The following PRRC2C variants were observed in gnomAD, a reference collection of about 807,000 sequenced individuals.
PRRC2C encodes protein PRRC2C.
PRRC2C carries 72 observed loss-of-function variants against 317.2 expected under a neutral mutation model. The ratio of observed to expected loss-of-function variants is 0.23; its 90% CI spans 0.19 to 0.28. PRRC2C has a LOEUF of 0.28. PRRC2C is among the 10% of genes least tolerant of loss of function. The probability of loss-of-function intolerance (pLI) is 1.00; values close to 1 mark genes in which losing one functional copy is unlikely to be tolerated. For synonymous variants in PRRC2C, 1,296 were observed against 1,205.9 expected (o/e 1.07, Z -1.55); for missense variants, 3,074 against 3,459.7 (o/e 0.89, Z 2.80).
At chr1:171,559,538 T>TGAGACAG (rs1682223763) in intron 19 of PRRC2C, among the ~76,000 whole-genome samples, 2 of 110,154 alleles carry the variant, frequency 1.8e-5, no homozygotes, top group Admixed American at 1.0e-4. Flanking sequence ...TTTTTTTTTT[T>TGAGACAG]TTGAGACAGT....
chr1:171,518,806 A>G (rs938056465), intron 6 of PRRC2C, among the ~76,000 whole-genome samples: 35 of 150,754 alleles, frequency 2.3e-4, no homozygotes, highest in African/African-American at 6.8e-4. Flanking sequence ...CTTGGCCTTT[A>G]AACTTTTTTT....
At chr1:171,507,873 A>G (rs998129433) in intron 1 of PRRC2C, among the ~76,000 whole-genome samples, 1 of 152,168 alleles carries the variant, frequency 6.6e-6, no homozygotes, top group Non-Finnish European at 1.5e-5. Context: ...TCCCTTGGTT[A>G]GATTACTCCT....
chr1:171,535,725 G>A, intron 13 of PRRC2C, 128 bp downstream of exon 13: 1 of 1,199,678 alleles, frequency 8.3e-7, no homozygotes, highest in Non-Finnish European at 1.2e-6. Context: ...ATTTTTCCTT[G>A]TAAATAAAAG....
intron 26 of PRRC2C, 133 bp downstream of exon 26, chr1:171,577,770 C>CAAA (rs1553245739): frequency 6.1e-6 from 2 of 329,828 alleles, no homozygotes; most frequent in Non-Finnish European, 9.9e-6. Flanking sequence ...TTTAAATTCG[C>CAAA]ATTTTTTTTT....
rs981261167 is a variant in PRRC2C at position 171,593,004 on chromosome 1, T to C, written c.*1157T>C. ...GACCGTGCTTTATCAGAGCTGTTTT[T>C]AATGATGTTATTCTAGAATGTTTTC... On this transcript the variant is annotated 3_prime_UTR_variant, in exon 35 of 35. Transcript: ENST00000647382. The C allele has an allele frequency of 2.0e-5, 3 of 152,116 alleles. No homozygotes were observed. The highest frequency in any genetic ancestry group is 7.2e-5 in the African/African-American group (3 of 41,446). The allele number at this position is 152,116 out of a possible 1,614,324, so 9.4% of individuals were successfully genotyped here.
intron 28 of PRRC2C, among the ~76,000 whole-genome samples, chr1:171,583,096 C>A (rs1481265159): frequency 6.6e-6 from 1 of 152,016 alleles, no homozygotes; most frequent in Admixed American, 6.6e-5. Flanking sequence ...GCCTCAGCTT[C>A]CCAAGTAGCT....
chr1:171,568,827 G>C (rs1224877234), intron 23 of PRRC2C, among the ~76,000 whole-genome samples: 1 of 141,320 alleles, frequency 7.1e-6, no homozygotes, highest in African/African-American at 3.2e-5. Flanking sequence ...CAACATTCTT[G>C]TTGTGTAGAT....
intron 20 of PRRC2C, among the ~76,000 whole-genome samples, chr1:171,565,497 G>A (rs1683476740): frequency 6.6e-6 from 1 of 152,194 alleles, no homozygotes; most frequent in Non-Finnish European, 1.5e-5. Context: ...ACCCAGGCTG[G>A]AGTGCAGTGG....
rs1220035964 is a variant in PRRC2C at position 171,512,977 on chromosome 1, G to A, written c.113-18G>A. 2.5e-6 allele frequency: 4 copies of A among 1,584,156 alleles called. No individual in the cohort carries two copies. The highest frequency in any genetic ancestry group is 3.4e-6 in the Non-Finnish European group (4 of 1,166,492). ...ATAAAATAGATGTTCTAAGAAAGTT[G>A]ATGTTATTGATCTTTAGTTGCAGCT... On this transcript the variant is annotated intron_variant, in intron 2 of 34. Coordinates refer to ENST00000647382, the MANE Select transcript of PRRC2C (RefSeq NM_001387844.1).
At chr1:171,489,995 C>T (rs1666826499) in intron 1 of PRRC2C, among the ~76,000 whole-genome samples, 1 of 152,142 alleles carries the variant, frequency 6.6e-6, no homozygotes, top group Non-Finnish European at 1.5e-5. Flanking sequence ...TCTTGGCTCA[C>T]TGCAACCTCT....
rs1483111060 is a variant in PRRC2C at position 171,579,974 on chromosome 1, T to C, written c.7409+10T>C. 4 of 1,500,218 alleles carry C rather than the reference T, an allele frequency of 2.7e-6. No individual in the cohort carries two copies. The African/African-American group carries it at 4.2e-5, about 16-fold the overall frequency. The allele number at this position is 1,500,218 out of a possible 1,614,324, so 92.9% of individuals were successfully genotyped here. On this transcript the variant is annotated intron_variant, in intron 28 of 34. Coordinates refer to ENST00000647382, the MANE Select transcript of PRRC2C (RefSeq NM_001387844.1). The stretch of plus-strand genomic sequence containing the variant: ...CACTTCAACCATATAGGTAAATGCT[T>C]TAAAAGTTATGTTTGTAATGATGTT...
intron 1 of PRRC2C, among the ~76,000 whole-genome samples, chr1:171,493,989 G>C (rs944561823): frequency 6.6e-6 from 1 of 152,148 alleles, no homozygotes; most frequent in African/African-American, 2.4e-5. Flanking sequence ...ACCCAGGTGA[G>C]GAAGTAAAAA....
At chr1:171,546,463 T>C (rs1233249370) in intron 17 of PRRC2C, among the ~76,000 whole-genome samples, 1 of 152,244 alleles carries the variant, frequency 6.6e-6, no homozygotes, top group African/African-American at 2.4e-5. Flanking sequence ...TCTGCCTAAT[T>C]GTTATTTGTA....
chr1:171,583,024 G>C (rs1247713261), intron 28 of PRRC2C, among the ~76,000 whole-genome samples: 1 of 152,062 alleles, frequency 6.6e-6, no homozygotes, highest in East Asian at 1.9e-4. Context: ...TGTCACCCAG[G>C]CTGGAGTGCA....
At chr1:171,571,532 T>C (rs376301899) in intron 24 of PRRC2C, 111 bp downstream of exon 24, 7 of 767,260 alleles carry the variant, frequency 9.1e-6, no homozygotes, top group African/African-American at 6.9e-5. Context: ...GCAACAATAC[T>C]AAGCTGAGGA....
intron 19 of PRRC2C, among the ~76,000 whole-genome samples, chr1:171,558,886 AAAGTT>A (rs1380943456): frequency 3.3e-5 from 5 of 152,250 alleles, no homozygotes; most frequent in Non-Finnish European, 7.3e-5. Context: ...AGATAGGTCA[AAAGTT>A]AAGTGCTACT....
chr1:171,587,030 C>G lies in PRRC2C; in HGVS notation c.7777C>G (p.Leu2593Val), dbSNP rs1387670718. ...TACAGTACCTTTACCAGCATCGCAG[C>G]TTTCCTTGCCTAATTTTGGATCTAC... ...QVTVPLPASQ[L>V]SLPNFGSTGQ... is the part of the protein sequence containing the mutation. The change falls in exon 31 of 35, where the codon CTT becomes GTT. Residue 2593 changes from leucine (L) to valine (V), a missense_variant. Around this residue, in one of 11 missense-constraint regions of PRRC2C, gnomAD observed 490 missense variants for 663.1 expected, o/e 0.74. Transcript: ENST00000647382. 1 of 1,609,766 alleles carries G rather than the reference C, an allele frequency of 6.2e-7. No homozygotes were observed. The highest frequency in any genetic ancestry group is 8.5e-7 in the Non-Finnish European group (1 of 1,177,724).
At position 171,485,734 on chromosome 1, in the gene PRRC2C, C is replaced by T. The variant is rs2101981331; in HGVS notation, c.-59C>T. On this transcript the variant is annotated splice_region_variant and 5_prime_UTR_variant, in exon 1 of 35. Coordinates refer to ENST00000647382, the MANE Select transcript of PRRC2C (RefSeq NM_001387844.1). ...GCGCAAACTTGACACTCACCCTGAC[C>T]GGTAAGGAAAGCGAGGGTGTGGGGG... 6.6e-6 allele frequency: 1 copy of T among 152,444 alleles called. No homozygotes were observed. Among genetic ancestry groups the T allele is most frequent in the African/African-American group, 2.4e-5 (1 of 41,570 alleles). The allele number at this position is 152,444 out of a possible 1,614,324, so 9.4% of individuals were successfully genotyped here.
In PRRC2C at chr1:171,540,306, G is replaced by T. The variant is rs769158687; in HGVS notation, c.2840G>T (p.Gly947Val). Reference sequence around the variant, plus strand: ...GAGCAGAGAAGTGAACCATCTGCAGGCATTCCTAAAGTAACCAGCAGATGC... The same window carrying T: ...GAGCAGAGAAGTGAACCATCTGCAGTCATTCCTAAAGTAACCAGCAGATGC... Reference protein sequence around the residue: ...PDEQRSEPSAGIPKVTSRCID... With the variant: ...PDEQRSEPSAVIPKVTSRCID... Residue 947 changes from glycine to valine, a missense_variant, in exon 16 of 35, where the codon GGC (glycine) becomes GTC (valine). By Grantham distance (109) the Gly-to-Val change is moderately radical (BLOSUM62 -3). Transcript: ENST00000647382. The T allele has an allele frequency of 6.2e-6, 10 of 1,613,708 alleles. 1 individual carries two copies. In the South Asian group the frequency reaches 1.1e-4, roughly 18 times the overall value.
Sources: gnomAD v4.1 joint callset for allele counts (sites outside exome capture counted in the v4.1 genomes callset) on GRCh38, gnomAD v4.1.1 for gene constraint, gnomAD v4.1.1 regional missense constraint, MANE v1.5 for transcripts, NCBI Gene and HGNC (gene_info 2026-07-23, HGNC 2026-07-21) for gene names.